Variants in MPP7 observed in about 807,000 individuals in gnomAD.
MPP7 encodes the protein MAGUK p55 scaffold protein 7, also known as MAGUK p55 subfamily member 7.
MPP7 carries 60 observed loss-of-function variants against 76.5 expected under a neutral mutation model. That is an observed-to-expected ratio of 0.78 (90% confidence interval 0.64 to 0.97). The LOEUF (loss-of-function observed/expected upper bound fraction) is 0.97. Among genes scored for constraint, MPP7 ranks in the 50% least tolerant of loss-of-function variants. The pLI is 0.00. For missense variants in MPP7, 641 were observed against 694.0 expected, an observed-to-expected ratio of 0.92 and a Z score of 0.86; for synonymous variants, 237 against 244.5, an observed-to-expected ratio of 0.97 and a Z score of 0.29.
At chr10:28,310,420 A>G (rs1841283356) in intron 2 of MPP7, among the ~76,000 whole-genome samples, 1 of 152,076 alleles carries the variant, frequency 6.6e-6, no homozygotes, top group African/African-American at 2.4e-5. Flanking sequence ...TTCTGTCTTC[A>G]TGCCTGCATC....
intron 11 of MPP7, chr10:28,118,950 TA>T (rs1441617946): frequency 1.0e-6 from 1 of 985,396 alleles, no homozygotes; most frequent in Admixed American, 6.1e-5. Flanking sequence ...TTTTTCCTCT[TA>T]AAATACCTAG....
chr10:28,113,987 A>C (rs1018831295), intron 11 of MPP7, among the ~76,000 whole-genome samples: 9 of 152,206 alleles, frequency 5.9e-5, no homozygotes, highest in African/African-American at 2.2e-4. Flanking sequence ...GTCTCCTGCC[A>C]GGAGTGGCCA....
intron 2 of MPP7, among the ~76,000 whole-genome samples, chr10:28,226,779 C>G (rs183508162): frequency 6.6e-6 from 1 of 152,234 alleles, no homozygotes; most frequent in East Asian, 1.9e-4. Flanking sequence ...ACACTCCTTA[C>G]AGCAAAAGCA....
At chr10:28,202,531 G>A (rs753618980) in intron 2 of MPP7, among the ~76,000 whole-genome samples, 2 of 152,096 alleles carry the variant, frequency 1.3e-5, no homozygotes, top group African/African-American at 2.4e-5. Context: ...CATAATCCGA[G>A]ACAGAAAATG....
chr10:28,259,217 T>C (rs1162057195), intron 1 of MPP7, among the ~76,000 whole-genome samples: 5 of 152,308 alleles, frequency 3.3e-5, no homozygotes, highest in African/African-American at 1.2e-4. Flanking sequence ...ACAAAACTAC[T>C]TTTTTACTTA....
intron 2 of MPP7, among the ~76,000 whole-genome samples, chr10:28,208,632 C>T (rs923202361): frequency 1.6e-4 from 24 of 152,152 alleles, no homozygotes; most frequent in African/African-American, 4.8e-4. Context: ...GAGATGCCTC[C>T]GCCTCCTCTT....
chr10:28,248,217 C>T (rs1839499665), intron 1 of MPP7, among the ~76,000 whole-genome samples: 1 of 152,072 alleles, frequency 6.6e-6, no homozygotes, highest in South Asian at 2.1e-4. Context: ...TGGAATGAAT[C>T]TATCTGATTA....
intron 11 of MPP7, among the ~76,000 whole-genome samples, chr10:28,095,073 T>C (rs1853498454): frequency 6.6e-6 from 1 of 152,006 alleles, no homozygotes; most frequent in African/African-American, 2.4e-5. Flanking sequence ...GTTACCATAT[T>C]TACATTGAAA....
chr10:28,254,698 G>A (rs958029703), intron 1 of MPP7: 4 of 152,142 alleles, frequency 2.6e-5, no homozygotes, highest in African/African-American at 7.2e-5. Flanking sequence ...ATATTTAACT[G>A]AGTAATTATG....
rs377385001 is a variant in MPP7 at position 28,246,557 on chromosome 10, T to C, written c.-131-7822A>G. On this transcript the variant is annotated intron_variant, in intron 1 of 16. Transcript: ENST00000683449. ...TGAACAAATATAAGATACAGTAATATTGTAATGATGCATAAATCACTTTTA... is the reference window on the plus strand; with the variant it reads ...TGAACAAATATAAGATACAGTAATACTGTAATGATGCATAAATCACTTTTA... 2.6e-4 allele frequency among the ~76,000 whole-genome samples: 39 copies of C among 152,326 alleles called. No individual in the cohort carries two copies. The South Asian group carries it at 8.1e-3, about 32-fold the overall frequency.
At chr10:28,127,562 G>A (rs1040537348) in intron 6 of MPP7, among the ~76,000 whole-genome samples, 4 of 152,194 alleles carry the variant, frequency 2.6e-5, no homozygotes, top group African/African-American at 9.7e-5. Flanking sequence ...CAGGCAAACA[G>A]AGAGCTTGTG....
intron 1 of MPP7, among the ~76,000 whole-genome samples, chr10:28,284,192 C>T (rs1589027756): frequency 6.6e-6 from 1 of 152,250 alleles, no homozygotes; most frequent in East Asian, 1.9e-4. Flanking sequence ...CTCTGAAATG[C>T]ACATGAAAGG....
chr10:28,094,703 A>G (rs1010776611), intron 11 of MPP7, among the ~76,000 whole-genome samples: 1 of 152,222 alleles, frequency 6.6e-6, no homozygotes, highest in African/African-American at 2.4e-5. Flanking sequence ...TAATAGTATA[A>G]AACAGATAAA....
intron 2 of MPP7, among the ~76,000 whole-genome samples, chr10:28,203,762 C>T (rs949031114): frequency 1.3e-5 from 2 of 152,120 alleles, no homozygotes; most frequent in Non-Finnish European, 2.9e-5. Flanking sequence ...GGTGAAATTT[C>T]ATTATTTTAT....
At chr10:28,086,182 A>G (rs10826394) in intron 12 of MPP7, among the ~76,000 whole-genome samples, 46,495 of 152,052 alleles carry the variant, frequency 0.31, 8,762 homozygotes, top group East Asian at 0.88. Context: ...AATACCTAAT[A>G]CATGCAGGGC....
chr10:28,300,820 G>A (rs1169141895), intron 1 of MPP7, among the ~76,000 whole-genome samples: 38 of 151,846 alleles, frequency 2.5e-4, no homozygotes, highest in Non-Finnish European at 1.8e-4. Flanking sequence ...ATAGCTGGGC[G>A]TGGTGGCATG....
chr10:28,241,251 C>T (rs752090342), intron 1 of MPP7, among the ~76,000 whole-genome samples: 1 of 152,122 alleles, frequency 6.6e-6, no homozygotes, highest in Non-Finnish European at 1.5e-5. Context: ...TGCTGTTCAT[C>T]TATGCCATAT....
At chr10:28,265,433 C>T (rs1262976774) in intron 1 of MPP7, among the ~76,000 whole-genome samples, 2 of 152,008 alleles carry the variant, frequency 1.3e-5, no homozygotes, top group Non-Finnish European at 1.5e-5. Context: ...GTGGTACATA[C>T]CTGTAGTCCC....
intron 1 of MPP7, among the ~76,000 whole-genome samples, chr10:28,261,680 A>G (rs1839954106): frequency 6.8e-6 from 1 of 147,938 alleles, no homozygotes; most frequent in Non-Finnish European, 1.5e-5. Flanking sequence ...GAAACTGATC[A>G]TACAATATAC....
Sources: gnomAD v4.1 joint callset for allele counts (sites outside exome capture counted in the v4.1 genomes callset) on GRCh38, gnomAD v4.1.1 for gene constraint, MANE v1.5 for transcripts, NCBI Gene and HGNC (gene_info 2026-07-23, HGNC 2026-07-21) for gene names.